PRR16: variants seen among roughly 807,000 people sequenced by gnomAD.
The protein encoded by PRR16 is protein Largen.
In PRR16, 6 loss-of-function variants were observed where a neutral mutation model predicts 18.2. The observed-to-expected ratio is 0.33, with a 90% confidence interval of 0.18 to 0.65. PRR16 has a LOEUF of 0.65. Ranked by LOEUF, PRR16 falls within the 30% of genes least tolerant of loss-of-function variation. The probability of loss-of-function intolerance (pLI) is 0.74; values close to 1 mark genes in which losing one functional copy is unlikely to be tolerated. For missense variants in PRR16, 412 were observed against 376.6 expected, an observed-to-expected ratio of 1.09 and a Z score of -0.78; for synonymous variants, 151 against 147.8, an observed-to-expected ratio of 1.02 and a Z score of -0.16.
chr5:120,773,091 T>C, the PRR16 span, among the ~76,000 whole-genome samples: 2 of 152,124 alleles, frequency 1.3e-5, no homozygotes, highest in Non-Finnish European at 2.9e-5. Flanking sequence ...GTGTGTGGCT[T>C]TGACTTAGAT....
chr5:120,553,749 A>G (rs1752328737), intron 1 of PRR16, among the ~76,000 whole-genome samples: 3 of 151,922 alleles, frequency 2.0e-5, no homozygotes. Context: ...TCTCTACACC[A>G]CAATCAATTA....
intron 1 of PRR16, among the ~76,000 whole-genome samples, chr5:120,543,100 C>G (rs552175196): frequency 6.6e-6 from 1 of 152,000 alleles, no homozygotes. Flanking sequence ...TATTATAAAT[C>G]CATAGGCTGA....
the PRR16 span, among the ~76,000 whole-genome samples, chr5:120,751,755 G>A: frequency 6.6e-6 from 1 of 151,944 alleles, no homozygotes; most frequent in Non-Finnish European, 1.5e-5. Flanking sequence ...CAATCATATG[G>A]AAATACTAAT....
the PRR16 span, among the ~76,000 whole-genome samples, chr5:120,773,236 G>A: frequency 2.0e-5 from 3 of 152,214 alleles, no homozygotes; most frequent in East Asian, 1.9e-4. Flanking sequence ...AAATCACAGT[G>A]ACTTGAAAAC....
chr5:120,778,223 G>A, the PRR16 span, among the ~76,000 whole-genome samples: 84 of 152,114 alleles, frequency 5.5e-4, no homozygotes, highest in African/African-American at 1.9e-3. Flanking sequence ...CCATTCTCAG[G>A]TTAAGTAAAA....
chr5:120,493,674 A>G (rs1038483812), intron 1 of PRR16, among the ~76,000 whole-genome samples: 13 of 152,168 alleles, frequency 8.5e-5, no homozygotes, highest in African/African-American at 2.9e-4. Flanking sequence ...TTACAGCTAT[A>G]CCCACTTCTC....
the PRR16 span, among the ~76,000 whole-genome samples, chr5:120,720,398 G>A: frequency 6.6e-6 from 1 of 151,652 alleles, no homozygotes; most frequent in African/African-American, 2.4e-5. Context: ...GAAAATATAT[G>A]CATCTTTCTT....
rs73268210 is a variant in PRR16 at position 120,541,901 on chromosome 5, A to T, written c.159+77256A>T. Among the ~76,000 whole-genome samples, 440 of 152,140 alleles carry T rather than the reference A, an allele frequency of 2.9e-3. 3 individuals carry two copies. Among genetic ancestry groups the T allele is most frequent in the African/African-American group, 0.01 (423 of 41,500 alleles). ...CTTGATCATTTTTGAGTTATCAGGC[A>T]GAATTTACCCCCTTCCTTTCCTCTT... On this transcript the variant is annotated intron_variant, in intron 1 of 1. Coordinates refer to ENST00000407149, the MANE Select transcript of PRR16 (RefSeq NM_001300783.2).
intron 1 of PRR16, among the ~76,000 whole-genome samples, chr5:120,495,959 G>A (rs181805295): frequency 3.7e-4 from 56 of 151,656 alleles, no homozygotes; most frequent in African/African-American, 1.3e-3. Flanking sequence ...TTTTTTTGTA[G>A]ATGCTCTGTG....
intron 1 of PRR16, among the ~76,000 whole-genome samples, chr5:120,616,076 G>A (rs1754500868): frequency 6.6e-6 from 1 of 152,146 alleles, no homozygotes; most frequent in African/African-American, 2.4e-5. Context: ...ACTCTTTTGA[G>A]CTCCTTGAGG....
the PRR16 span, among the ~76,000 whole-genome samples, chr5:120,770,327 T>C: frequency 6.6e-6 from 1 of 151,914 alleles, no homozygotes; most frequent in East Asian, 1.9e-4. Context: ...GATGGAGATA[T>C]TAGTCTCTTC....
intron 1 of PRR16, among the ~76,000 whole-genome samples, chr5:120,576,844 C>T (rs1753095029): frequency 6.6e-6 from 1 of 152,130 alleles, no homozygotes; most frequent in Non-Finnish European, 1.5e-5. Context: ...AGCTTGCCAC[C>T]TGCAGGTCTT....
the PRR16 span, among the ~76,000 whole-genome samples, chr5:120,715,007 G>T: frequency 5.3e-5 from 8 of 151,930 alleles, no homozygotes; most frequent in South Asian, 1.7e-3. Context: ...GGTGAGGGGA[G>T]GGAACTTAGA....
chr5:120,530,281 A>ATT (rs1554081050), intron 1 of PRR16, among the ~76,000 whole-genome samples: 1,733 of 92,562 alleles, frequency 0.019, 22 homozygotes, highest in South Asian at 0.029. Context: ...ATATATATAT[A>ATT]TATTTATTTA....
At chr5:120,465,102 GC>G (rs1749032734) in intron 1 of PRR16, among the ~76,000 whole-genome samples, 1 of 152,140 alleles carries the variant, frequency 6.6e-6, no homozygotes, top group Non-Finnish European at 1.5e-5. Context: ...CGGGTTCTGG[GC>G]CCTGGGCCAG....
intron 1 of PRR16, among the ~76,000 whole-genome samples, chr5:120,517,743 T>G (rs1208846728): frequency 6.6e-6 from 1 of 152,188 alleles, no homozygotes; most frequent in Non-Finnish European, 1.5e-5. Flanking sequence ...GCTTTATATC[T>G]GTCTCAGTAA....
intron 1 of PRR16, among the ~76,000 whole-genome samples, chr5:120,636,714 T>C (rs1172222712): frequency 6.6e-6 from 1 of 152,098 alleles, no homozygotes; most frequent in Non-Finnish European, 1.5e-5. Context: ...TTCTAGTCAT[T>C]GACTTCGGCA....
the PRR16 span, among the ~76,000 whole-genome samples, chr5:120,695,499 T>C: frequency 2.6e-5 from 4 of 152,182 alleles, no homozygotes; most frequent in African/African-American, 9.6e-5. Flanking sequence ...GATGGGCTTT[T>C]ATCATCTCCC....
rs1012973611 is a variant in PRR16 at position 120,484,832 on chromosome 5, G to A, written c.159+20187G>A. Among the ~76,000 whole-genome samples, 5 of 150,950 alleles carry A rather than the reference G, an allele frequency of 3.3e-5. No homozygotes were observed. The South Asian group carries it at 6.3e-4, about 19-fold the overall frequency. On this transcript the variant is annotated intron_variant, in intron 1 of 1. Coordinates refer to ENST00000407149, the MANE Select transcript of PRR16 (RefSeq NM_001300783.2). ...TATTTTCTTTCCTAGTAAGATGATG[G>A]AATAATTAGGAAGTTGGTGTCTATT...
Sources: allele counts gnomAD v4.1 joint callset (sites outside exome capture counted in the v4.1 genomes callset), GRCh38; gene constraint gnomAD v4.1.1; transcripts MANE v1.5; gene names NCBI Gene and HGNC (gene_info 2026-07-23, HGNC 2026-07-21).